Variants in RNPEP observed in about 807,000 individuals in gnomAD.
The protein encoded by RNPEP is aminopeptidase B.
RNPEP carries 57 observed loss-of-function variants against 70.1 expected under a neutral mutation model. That is an observed-to-expected ratio of 0.81 (90% CI 0.66 to 1.01). RNPEP has a LOEUF of 1.01. Among genes scored for constraint, RNPEP ranks in the 50% least tolerant of loss-of-function variants. The pLI, the probability that RNPEP is intolerant of heterozygous loss-of-function variation, is 0.00. For missense variants in RNPEP, 787 were observed against 852.4 expected (o/e 0.92, Z 0.96); for synonymous variants, 335 against 357.4 (o/e 0.94, Z 0.71).
At chr1:202,000,272 C>T (rs775746674) in intron 6 of RNPEP, 2 of 358,974 alleles carry the variant, frequency 5.6e-6, no homozygotes, top group Non-Finnish European at 1.0e-5. Context: ...AAGTCCATAT[C>T]GTTTTACCAG....
chr1:201,985,128 G>A (rs1233920305), intron 1 of RNPEP, among the ~76,000 whole-genome samples: 1 of 151,624 alleles, frequency 6.6e-6, no homozygotes, highest in Non-Finnish European at 1.5e-5. Context: ...GGGACACAGA[G>A]GTTGCAGTGA....
intron 1 of RNPEP, 56 bp from the exon 2 acceptor site, chr1:201,988,848 C>G: frequency 9.7e-6 from 15 of 1,553,300 alleles, no homozygotes; most frequent in Non-Finnish European, 1.3e-5. Context: ...ACTTCTCTGG[C>G]CAGACTGAGC....
chr1:201,990,825 T>G (rs956210248), intron 3 of RNPEP, among the ~76,000 whole-genome samples: 5 of 152,196 alleles, frequency 3.3e-5, no homozygotes, highest in Non-Finnish European at 7.3e-5. Context: ...GGATGTCATC[T>G]TTGCAATAGA....
Position 202,005,868 on chromosome 1 carries a change from C to A in RNPEP, c.*152C>A. 1 of 916,368 alleles carries A rather than the reference C, an allele frequency of 1.1e-6. No individual in the cohort carries two copies. Among genetic ancestry groups the A allele is most frequent in the South Asian group, 1.7e-5 (1 of 60,192 alleles). 56.8% of individuals were successfully genotyped at this position (916,368 alleles called of 1,614,324 possible). The stretch of plus-strand genomic sequence containing the variant: ...AGCTTAGGTATCTGTGACTCTTGGG[C>A]CTCTGCTCTGGTGGGAACTTACTTC... On this transcript the variant is annotated 3_prime_UTR_variant, in exon 11 of 11. Transcript: ENST00000295640.
rs1330133134 is a variant in RNPEP at position 202,004,355 on chromosome 1, G to T, written c.1653G>T (p.Gly551=). Residue 551 remains glycine (G), a splice_region_variant and synonymous_variant, in exon 10 of 11, where the codon GGG becomes GGT. Transcript: ENST00000295640. ...AAACCATTTCTTTCTCTTCTCCAGG[G>T]AATGTGAAAAAACTTGGAGACACAT... ...KILQKSPLPP[G]NVKKLGDTYP... 2.5e-6 allele frequency: 4 copies of T among 1,613,920 alleles called. No homozygotes were observed. In the African/African-American group the frequency reaches 4.0e-5, roughly 16 times the overall value.
At chr1:201,986,840 A>T (rs1428118354) in intron 1 of RNPEP, among the ~76,000 whole-genome samples, 1 of 151,816 alleles carries the variant, frequency 6.6e-6, no homozygotes, top group Non-Finnish European at 1.5e-5. Context: ...GCGCCCAGCC[A>T]AAGTGCCATT....
chr1:201,999,453 C>T (rs763390568), intron 5 of RNPEP, among the ~76,000 whole-genome samples: 31 of 150,350 alleles, frequency 2.1e-4, no homozygotes, highest in South Asian at 4.3e-4. Flanking sequence ...GCAGAAGAAT[C>T]GCTTGAACCC....
chr1:202,001,419 A>C lies in RNPEP; in HGVS notation c.1248A>C (p.Lys416Asn), dbSNP rs761820337. ...DDTYNETPYE[K>N]GFCFVSYLAH... Reference sequence around the variant, plus strand: ...CCTATAATGAGACCCCCTACGAGAAAGGTTTCTGCTTTGTTTCATACCTGG... The same window carrying C: ...CCTATAATGAGACCCCCTACGAGAACGGTTTCTGCTTTGTTTCATACCTGG... Residue 416 changes from lysine (K) to asparagine (N), a missense_variant, in exon 7 of 11, where the codon AAA becomes AAC. Coordinates refer to ENST00000295640, the MANE Select transcript of RNPEP (RefSeq NM_020216.4). 2 of 1,613,964 alleles carry C rather than the reference A, an allele frequency of 1.2e-6. No individual in the cohort carries two copies. Among genetic ancestry groups the C allele is most frequent in the Non-Finnish European group, 1.7e-6 (2 of 1,179,884 alleles).
intron 4 of RNPEP, among the ~76,000 whole-genome samples, chr1:201,996,810 T>C (rs1204907651): frequency 1.3e-5 from 2 of 151,298 alleles, no homozygotes; most frequent in Non-Finnish European, 3.0e-5. Flanking sequence ...GTTCTTGAGG[T>C]GTTCAAAATG....
intron 3 of RNPEP, among the ~76,000 whole-genome samples, chr1:201,994,868 C>T (rs1285368322): frequency 9.2e-6 from 1 of 108,450 alleles, no homozygotes; most frequent in Non-Finnish European, 1.8e-5. Context: ...TTAGTAGAAA[C>T]AGCCTTTCAC....
At position 201,997,522 on chromosome 1, in the gene RNPEP, A is replaced by C. The variant is rs906143240; in HGVS notation, c.1058A>C (p.Tyr353Ser). 6.2e-7 allele frequency: 1 copy of C among 1,613,906 alleles called. No homozygotes were observed. The highest frequency in any genetic ancestry group is 1.3e-5 in the African/African-American group (1 of 74,888). Residue 353 changes from tyrosine (Y) to serine (S), a missense_variant, in exon 5 of 11, where the codon TAC (tyrosine) becomes TCC (serine). By Grantham distance (144) the Tyr-to-Ser change is moderately radical. Transcript: ENST00000295640. ...TGGCTCAATGAAGGTTTCACCATGT[A>C]CGCCCAGAGGAGGATCTCCACCATC... ...EFWLNEGFTM[Y>S]AQRRISTILF...
At chr1:201,986,950 T>A (rs897844410) in intron 1 of RNPEP, among the ~76,000 whole-genome samples, 5 of 152,214 alleles carry the variant, frequency 3.3e-5, no homozygotes, top group African/African-American at 1.2e-4. Context: ...CTTTCTCCAC[T>A]GTGAAGTTAT....
chr1:201,994,772 T>C (rs1475947719), intron 3 of RNPEP, among the ~76,000 whole-genome samples: 1 of 151,162 alleles, frequency 6.6e-6, no homozygotes, highest in African/African-American at 2.4e-5. Context: ...GTTCAAGCGA[T>C]TCTCCTGCCT....
intron 1 of RNPEP, among the ~76,000 whole-genome samples, chr1:201,986,153 C>T (rs1370443825): frequency 2.6e-5 from 4 of 152,198 alleles, no homozygotes; most frequent in African/African-American, 4.8e-5. Flanking sequence ...TTGTCTCAAA[C>T]GCTTGGGCTC....
chr1:202,005,791 T>A lies in RNPEP; in HGVS notation c.*75T>A. On this transcript the variant is annotated 3_prime_UTR_variant, in exon 11 of 11. Transcript: ENST00000295640. ...ATAATTGTTTGTTCCCAAATTCCTG[T>A]TCCCTGATCAACTTCCTGGAGTTTA... 1 of 1,533,802 alleles carries A rather than the reference T, an allele frequency of 6.5e-7. No homozygotes were observed. Among genetic ancestry groups the A allele is most frequent in the Non-Finnish European group, 9.0e-7 (1 of 1,112,612 alleles).
chr1:201,987,687 G>A (rs1350668964), intron 1 of RNPEP, among the ~76,000 whole-genome samples: 1 of 151,276 alleles, frequency 6.6e-6, no homozygotes, highest in Admixed American at 6.6e-5. Flanking sequence ...ATCCACCTGC[G>A]TCGGACTCCC....
At chr1:201,983,240 G>T in intron 1 of RNPEP, 127 bp downstream of exon 1, 1 of 1,430,988 alleles carries the variant, frequency 7.0e-7, no homozygotes, top group East Asian at 2.5e-5. Context: ...TCCCTAGAGG[G>T]GCCTACTCCC....
intron 8 of RNPEP, 149 bp from the exon 9 acceptor site, chr1:202,003,088 G>A (rs762572677): frequency 1.1e-5 from 7 of 622,656 alleles, no homozygotes; most frequent in East Asian, 5.5e-5. Context: ...CTGCTGGAGC[G>A]AATAGTTACA....
intron 10 of RNPEP, 75 bp from the exon 11 acceptor site, chr1:202,005,483 T>C: frequency 1.3e-6 from 2 of 1,545,084 alleles, no homozygotes; most frequent in Middle Eastern, 4.3e-4. Context: ...GCTGTTAGAC[T>C]GGCACTGGGG....
Sources: gnomAD v4.1 joint callset for allele counts (sites outside exome capture counted in the v4.1 genomes callset) on GRCh38, gnomAD v4.1.1 for gene constraint, MANE v1.5 for transcripts, NCBI Gene and HGNC (gene_info 2026-07-23, HGNC 2026-07-21) for gene names.